The following ANKS1A variants were observed in gnomAD, a reference collection of about 807,000 sequenced individuals.
The protein encoded by ANKS1A is ankyrin repeat and sterile alpha motif domain containing 1A.
Under a neutral mutation model 120.3 loss-of-function variants are expected in ANKS1A, and 55 were observed. That is an observed-to-expected ratio of 0.46 (90% CI 0.37 to 0.57). ANKS1A has a LOEUF of 0.57. ANKS1A is among the 20% of genes least tolerant of loss of function. The pLI, the probability that ANKS1A is intolerant of heterozygous loss-of-function variation, is 0.00. For missense variants in ANKS1A, 1,123 were observed against 1,480.3 expected (o/e 0.76, Z 3.96); for synonymous variants, 590 against 604.7 (o/e 0.98, Z 0.36).
In ANKS1A at chr6:34,952,989, C is replaced by T. The variant is rs146019763; in HGVS notation, c.198-14250C>T. ...CCTCCCAAAGTGCTGGGATTACAGG[C>T]GTGAGCCACCATGGCCCAGCCTAAG... is the stretch of plus-strand genomic sequence containing the variant. On this transcript the variant is annotated intron_variant, in intron 1 of 23. Coordinates refer to ENST00000360359, the MANE Select transcript of ANKS1A (RefSeq NM_015245.3). Among the ~76,000 whole-genome samples the T allele has an allele frequency of 3.6e-4, 55 of 152,270 alleles. No homozygotes were observed. The East Asian group carries it at 7.7e-3, about 21-fold the overall frequency.
intron 10 of ANKS1A, among the ~76,000 whole-genome samples, chr6:35,010,523 C>T (rs980374292): frequency 2.6e-5 from 4 of 152,130 alleles, no homozygotes; most frequent in Non-Finnish European, 5.9e-5. Flanking sequence ...AGAACTTGGT[C>T]ATGTGTTTAC....
intron 1 of ANKS1A, among the ~76,000 whole-genome samples, chr6:34,905,500 TA>T (rs1463987553): frequency 2.7e-5 from 4 of 150,736 alleles, no homozygotes; most frequent in Middle Eastern, 3.4e-3. Context: ...GAGCACTTAA[TA>T]CTTTGTCTGT....
At position 35,084,477 on chromosome 6, in the gene ANKS1A, G is replaced by T. The variant is rs2127613821; in HGVS notation, c.3132+219G>T. Among the ~76,000 whole-genome samples, 1 of 149,408 alleles carries T rather than the reference G, an allele frequency of 6.7e-6. No individual in the cohort carries two copies. Among genetic ancestry groups the T allele is most frequent in the Non-Finnish European group, 1.5e-5 (1 of 67,588 alleles). Reference sequence around the variant, plus strand: ...ACAGGGACTGGCCCAGGGCACTAGGGACAGGAGGTTCCAGCTTTTTTTTTT... The same window carrying T: ...ACAGGGACTGGCCCAGGGCACTAGGTACAGGAGGTTCCAGCTTTTTTTTTT... On this transcript the variant is annotated intron_variant, in intron 21 of 23. Transcript: ENST00000360359. This position sits in a 1 kb window ranked among gnomAD's most constrained non-coding sequence, Gnocchi z 4.8.
intron 1 of ANKS1A, among the ~76,000 whole-genome samples, chr6:34,957,644 C>T (rs969309588): frequency 1.3e-5 from 2 of 152,134 alleles, no homozygotes; most frequent in Non-Finnish European, 2.9e-5. Flanking sequence ...CCTCTCTTCC[C>T]CCTCAAGTTT....
downstream of ANKS1A, among the ~76,000 whole-genome samples, chr6:35,095,968 G>T (rs958780908): frequency 6.6e-6 from 1 of 152,144 alleles, no homozygotes; most frequent in Non-Finnish European, 1.5e-5. Flanking sequence ...TATCACACAT[G>T]TATTCCCATT....
At position 35,086,303 on chromosome 6, in the gene ANKS1A, T is replaced by G; in HGVS notation, c.3303+367T>G. 7.6e-7 allele frequency: 1 copy of G among 1,310,444 alleles called. No homozygotes were observed. 81.2% of individuals were successfully genotyped at this position (1,310,444 alleles called of 1,614,324 possible). Reference sequence around the variant, plus strand: ...GCCCCCCGATAGTCGCTGTTGTTACTGTCACACCTGCACCACCCACCGTCC... The same window carrying G: ...GCCCCCCGATAGTCGCTGTTGTTACGGTCACACCTGCACCACCCACCGTCC... On this transcript the variant is annotated intron_variant, in intron 22 of 23. Coordinates refer to ENST00000360359, the MANE Select transcript of ANKS1A (RefSeq NM_015245.3). This position sits in a 1 kb window ranked among gnomAD's most constrained non-coding sequence, Gnocchi z 5.1.
intron 13 of ANKS1A, among the ~76,000 whole-genome samples, chr6:35,067,550 AC>A (rs1776840315): frequency 1.3e-5 from 2 of 152,196 alleles, no homozygotes; most frequent in South Asian, 4.1e-4. Context: ...TGCCGTCGCC[AC>A]AGGTGTTGAT....
chr6:35,087,329 G>T (rs1043355313), intron 23 of ANKS1A, among the ~76,000 whole-genome samples: 1 of 152,220 alleles, frequency 6.6e-6, no homozygotes, highest in African/African-American at 2.4e-5. Flanking sequence ...CATCAAGAGG[G>T]CTCAGGGGTT....
At chr6:34,992,227 T>C (rs1377450254) in intron 9 of ANKS1A, among the ~76,000 whole-genome samples, 3 of 152,222 alleles carry the variant, frequency 2.0e-5, no homozygotes, top group Non-Finnish European at 4.4e-5. Flanking sequence ...ACCAGGTTTG[T>C]CATCTACGAA....
intron 12 of ANKS1A, among the ~76,000 whole-genome samples, chr6:35,059,037 C>G (rs572567651): frequency 1.3e-5 from 2 of 152,376 alleles, no homozygotes; most frequent in East Asian, 3.9e-4. Flanking sequence ...GCTCAGCTGA[C>G]AGAGGACCAC....
At chr6:35,004,083 C>CTCTAACCACTCTAACCAGGGGTA (rs1323521932) in intron 10 of ANKS1A, among the ~76,000 whole-genome samples, 1 of 152,200 alleles carries the variant, frequency 6.6e-6, no homozygotes, top group African/African-American at 2.4e-5. Flanking sequence ...ACTCTAACCA[C>CTCTAACCACTCTAACCAGGGGTA]CGGTGCATGC....
chr6:35,048,582 G>A (rs978801405), intron 11 of ANKS1A, among the ~76,000 whole-genome samples: 1 of 152,092 alleles, frequency 6.6e-6, no homozygotes, highest in Non-Finnish European at 1.5e-5. Context: ...GCGCAATTCA[G>A]TCTGGGAGGA....
At chr6:35,056,402 C>T (rs1776224302) in intron 12 of ANKS1A, among the ~76,000 whole-genome samples, 1 of 152,232 alleles carries the variant, frequency 6.6e-6, no homozygotes, top group Admixed American at 6.5e-5. Flanking sequence ...CATTCTCTTG[C>T]CTCAGCCTCC....
At chr6:35,097,080 C>T in the ANKS1A span, among the ~76,000 whole-genome samples, 1 of 151,852 alleles carries the variant, frequency 6.6e-6, no homozygotes, top group South Asian at 2.1e-4. Context: ...AATGGCTTTA[C>T]AAATTACAAC....
intron 1 of ANKS1A, among the ~76,000 whole-genome samples, chr6:34,962,713 C>G (rs949836982): frequency 6.6e-6 from 1 of 151,324 alleles, no homozygotes; most frequent in African/African-American, 2.4e-5. Flanking sequence ...CGCTTGAACC[C>G]GGGAGGCAGA....
chr6:35,088,227 T>C (rs904327664), intron 23 of ANKS1A, among the ~76,000 whole-genome samples: 1 of 152,230 alleles, frequency 6.6e-6, no homozygotes, highest in Non-Finnish European at 1.5e-5. Flanking sequence ...AGCTGAGTCT[T>C]TGAAGAGGCA....
chr6:34,930,677 TCCTCTC>T (rs1768935736), intron 1 of ANKS1A, among the ~76,000 whole-genome samples: 1 of 152,158 alleles, frequency 6.6e-6, no homozygotes, highest in Non-Finnish European at 1.5e-5. Context: ...TTTGTGCAGT[TCCTCTC>T]ATGGAAATTA....
chr6:34,985,392 G>T, intron 8 of ANKS1A, 114 bp downstream of exon 8: 1 of 1,052,328 alleles, frequency 9.5e-7, no homozygotes, highest in Non-Finnish European at 1.4e-6. Flanking sequence ...TGTTTCCGGG[G>T]CCTGGAGCCC....
Position 35,088,666 on chromosome 6 carries a change from A to C in ANKS1A, c.*57A>C. ...CATAGACGTGGGGGCATAGGCTCCC[A>C]CTGCCACCACCGCCATCGCCTCACC... On this transcript the variant is annotated 3_prime_UTR_variant, in exon 24 of 24. Coordinates refer to ENST00000360359, the MANE Select transcript of ANKS1A (RefSeq NM_015245.3). 1 of 1,613,970 alleles carries C rather than the reference A, an allele frequency of 6.2e-7. No homozygotes were observed. Among genetic ancestry groups the C allele is most frequent in the Non-Finnish European group, 8.5e-7 (1 of 1,180,012 alleles).
Sources: allele counts gnomAD v4.1 joint callset (sites outside exome capture counted in the v4.1 genomes callset), GRCh38; gene constraint gnomAD v4.1.1; non-coding constraint Gnocchi (gnomAD v3.1); transcripts MANE v1.5; gene names NCBI Gene and HGNC (gene_info 2026-07-23, HGNC 2026-07-21).